CLCN3: variants seen among roughly 807,000 people sequenced by gnomAD.
CLCN3 encodes Cl-/H+ antiporter 3.
Under a neutral mutation model 83.4 loss-of-function variants are expected in CLCN3, and 16 were observed. The observed-to-expected ratio is 0.19, with a 90% CI of 0.13 to 0.29. CLCN3 has a LOEUF of 0.29. CLCN3 is among the 10% of genes least tolerant of loss of function. The pLI, the probability that CLCN3 is intolerant of heterozygous loss-of-function variation, is 1.00. For missense variants in CLCN3, 544 were observed against 1,006.0 expected (o/e 0.54, Z 6.21); for synonymous variants, 322 against 346.2 (o/e 0.93, Z 0.78).
intron 2 of CLCN3, among the ~76,000 whole-genome samples, chr4:169,678,223 C>T (rs1010711790): frequency 2.6e-5 from 4 of 152,120 alleles, no homozygotes; most frequent in Non-Finnish European, 5.9e-5. Flanking sequence ...AGAGTCTATT[C>T]CCTAATCAGT....
intron 9 of CLCN3, among the ~76,000 whole-genome samples, chr4:169,703,449 A>G (rs146571857): frequency 6.6e-6 from 1 of 152,386 alleles, no homozygotes; most frequent in Non-Finnish European, 1.5e-5. Flanking sequence ...ACATAATCAC[A>G]TAATCTTGAA....
intron 2 of CLCN3, among the ~76,000 whole-genome samples, chr4:169,653,076 A>G (rs2150213648): frequency 6.6e-6 from 1 of 152,162 alleles, no homozygotes; most frequent in Non-Finnish European, 1.5e-5. Context: ...CTTAGTTGTA[A>G]TGTGGTCCTA....
At chr4:169,650,578 T>G (rs761237364) in intron 2 of CLCN3, among the ~76,000 whole-genome samples, 3 of 152,228 alleles carry the variant, frequency 2.0e-5, no homozygotes, top group African/African-American at 4.8e-5. Flanking sequence ...GGCAGAGTTT[T>G]TGTAAGAAAT....
intron 11 of CLCN3, among the ~76,000 whole-genome samples, chr4:169,709,383 A>T (rs547956264): frequency 5.5e-4 from 64 of 116,194 alleles, no homozygotes; most frequent in African/African-American, 1.5e-3. Flanking sequence ...CTGAGACTTT[A>T]AAAAAAAAAA....
intron 8 of CLCN3, among the ~76,000 whole-genome samples, chr4:169,696,244 A>G (rs1732560091): frequency 6.6e-6 from 1 of 151,976 alleles, no homozygotes; most frequent in African/African-American, 2.4e-5. Context: ...AATTTTAATC[A>G]ATTCCTATGT....
At chr4:169,664,299 G>A (rs1731168154) in intron 2 of CLCN3, among the ~76,000 whole-genome samples, 1 of 152,134 alleles carries the variant, frequency 6.6e-6, no homozygotes, top group Admixed American at 6.5e-5. Context: ...ATTATTTCTT[G>A]ACATTCATTA....
chr4:169,660,079 T>A, intron 2 of CLCN3: 1 of 1,032,638 alleles, frequency 9.7e-7, no homozygotes, highest in Non-Finnish European at 1.2e-6. Flanking sequence ...TGTGTTGTAC[T>A]TGGAGCTTAG....
intron 5 of CLCN3, among the ~76,000 whole-genome samples, chr4:169,690,052 T>C (rs1732303704): frequency 6.6e-6 from 1 of 152,106 alleles, no homozygotes; most frequent in South Asian, 2.1e-4. Flanking sequence ...GGACTCTACT[T>C]AAATATTTTG....
chr4:169,648,057 G>A (rs1730625171), intron 2 of CLCN3, among the ~76,000 whole-genome samples: 1 of 152,180 alleles, frequency 6.6e-6, no homozygotes, highest in South Asian at 2.1e-4. Context: ...TACCTGACTA[G>A]TCAAGATCAT....
chr4:169,670,568 T>C (rs1165287749), intron 2 of CLCN3, among the ~76,000 whole-genome samples: 1 of 152,222 alleles, frequency 6.6e-6, no homozygotes, highest in Non-Finnish European at 1.5e-5. Flanking sequence ...AGCTTTGTTA[T>C]TTTTGCTTAG....
chr4:169,705,141 G>A (rs1368691871), intron 10 of CLCN3, among the ~76,000 whole-genome samples: 1 of 152,188 alleles, frequency 6.6e-6, no homozygotes, highest in Non-Finnish European at 1.5e-5. Flanking sequence ...AAGAGCTGAA[G>A]TACTTCAGGA....
chr4:169,687,841 G>A, intron 4 of CLCN3, 84 bp downstream of exon 4: 1 of 656,182 alleles, frequency 1.5e-6, no homozygotes, highest in Non-Finnish European at 2.5e-6. Flanking sequence ...TTTTTTTCAG[G>A]TACCATTGGA....
At chr4:169,718,807 A>G (rs140265048) in intron 12 of CLCN3, among the ~76,000 whole-genome samples, 178 of 152,318 alleles carry the variant, frequency 1.2e-3, no homozygotes, top group African/African-American at 3.6e-3. Flanking sequence ...TTAAAAAACT[A>G]CTAACCAGAA....
At chr4:169,719,478 T>C (rs1364123726) in intron 12 of CLCN3, among the ~76,000 whole-genome samples, 1 of 152,090 alleles carries the variant, frequency 6.6e-6, no homozygotes, top group East Asian at 1.9e-4. Context: ...AATAAATAAA[T>C]AAATAAATGA....
chr4:169,671,484 A>G (rs1731455407), intron 2 of CLCN3, among the ~76,000 whole-genome samples: 1 of 152,106 alleles, frequency 6.6e-6, no homozygotes, highest in African/African-American at 2.4e-5. Flanking sequence ...CATTAGGACA[A>G]ATACATAATG....
At position 169,659,981 on chromosome 4, in the gene CLCN3, AAAT is replaced by A. The variant is rs1281082722; in HGVS notation, c.161-20065_161-20063del. The stretch of plus-strand genomic sequence containing the variant: ...TTTATATTTATCTTAAAACCAAAAG[AAAT>A]AATGTTTCTATTGTTTTACTGTAGT... On this transcript the variant is annotated intron_variant, in intron 2 of 12. Transcript: ENST00000513761. 4.5e-6 allele frequency: 4 copies of A among 897,232 alleles called. No individual in the cohort carries two copies. In the African/African-American group the frequency reaches 7.2e-5, roughly 16 times the overall value. 55.6% of individuals were successfully genotyped at this position (897,232 alleles called of 1,614,324 possible). A position where few individuals can be genotyped will look rare whatever the true frequency, so the allele number is the denominator to read the frequency against.
chr4:169,632,628 A>T (rs1773403611), intron 1 of CLCN3, among the ~76,000 whole-genome samples: 3 of 150,312 alleles, frequency 2.0e-5, no homozygotes, highest in Non-Finnish European at 3.0e-5. Flanking sequence ...GAGGCAGAAG[A>T]ATGGCCTGAA....
chr4:169,678,011 C>T (rs533269770), intron 2 of CLCN3, among the ~76,000 whole-genome samples: 35 of 152,150 alleles, frequency 2.3e-4, no homozygotes, highest in Middle Eastern at 3.4e-3. Flanking sequence ...TGAGGGAACC[C>T]GCCTGATGAC....
chr4:169,638,868 C>G (rs1336541866), intron 2 of CLCN3, among the ~76,000 whole-genome samples: 2 of 152,080 alleles, frequency 1.3e-5, no homozygotes, highest in African/African-American at 4.8e-5. Context: ...GGTCACATGC[C>G]CACCCCAAGA....
Sources: allele counts gnomAD v4.1 joint callset (sites outside exome capture counted in the v4.1 genomes callset), GRCh38; gene constraint gnomAD v4.1.1; transcripts MANE v1.5; gene names NCBI Gene and HGNC (gene_info 2026-07-23, HGNC 2026-07-21).